Variants in KBTBD12 observed in about 807,000 individuals in gnomAD.
The protein encoded by KBTBD12 is kelch repeat and BTB domain-containing protein 12.
In KBTBD12, 53 loss-of-function variants were observed where a neutral mutation model predicts 58.7. The observed-to-expected ratio is 0.90, with a 90% CI of 0.72 to 1.14. The LOEUF (loss-of-function observed/expected upper bound fraction) is 1.14. Ranked by LOEUF, KBTBD12 falls within the 50% of genes most tolerant of loss-of-function variation. The probability of loss-of-function intolerance (pLI) is 0.00; values close to 1 mark genes in which losing one functional copy is unlikely to be tolerated. For synonymous variants in KBTBD12, 236 were observed against 259.8 expected (o/e 0.91, Z 0.88); for missense variants, 704 against 751.3 (o/e 0.94, Z 0.74).
intron 5 of KBTBD12, among the ~76,000 whole-genome samples, chr3:127,978,508 G>A (rs1940821740): frequency 6.6e-6 from 1 of 152,170 alleles, no homozygotes; most frequent in South Asian, 2.1e-4. Context: ...CCTGAAGCCT[G>A]GAACTTCAGA....
At chr3:127,954,399 T>C (rs924902420) in intron 4 of KBTBD12, among the ~76,000 whole-genome samples, 5 of 152,148 alleles carry the variant, frequency 3.3e-5, no homozygotes, top group African/African-American at 4.8e-5. Flanking sequence ...TCATTATGAG[T>C]CCTTGGTGAA....
rs1346553055 is a variant in KBTBD12 at position 127,985,164 on chromosome 3, AG to A, written c.*889del. 1 of 152,220 alleles carries A rather than the reference AG, an allele frequency of 6.6e-6. No individual in the cohort carries two copies. The highest frequency in any genetic ancestry group is 2.4e-5 in the African/African-American group (1 of 41,410). 9.4% of individuals were successfully genotyped at this position (152,220 alleles called of 1,614,324 possible). ...CTCTCAGACACATACAACCATCTGC[AG>A]GGTAGTCCTGGCTGAACAGGACTCG... On this transcript the variant is annotated 3_prime_UTR_variant, in exon 6 of 6. Transcript: ENST00000405109.
intron 4 of KBTBD12, among the ~76,000 whole-genome samples, chr3:127,958,135 A>C (rs1940356702): frequency 1.3e-5 from 2 of 152,086 alleles, no homozygotes; most frequent in African/African-American, 4.8e-5. Flanking sequence ...AGGAGGGAGA[A>C]GGGCAGACCA....
At chr3:127,958,238 G>C (rs1424428695) in intron 4 of KBTBD12, among the ~76,000 whole-genome samples, 2 of 152,154 alleles carry the variant, frequency 1.3e-5, no homozygotes, top group Non-Finnish European at 2.9e-5. Flanking sequence ...GGTACAGTCA[G>C]CAGAGTCGGT....
chr3:127,940,587 A>G (rs1052946034), intron 4 of KBTBD12, among the ~76,000 whole-genome samples: 2 of 152,156 alleles, frequency 1.3e-5, no homozygotes, highest in African/African-American at 4.8e-5. Flanking sequence ...TTTAGAAGGA[A>G]TTTATGGCAT....
rs755792370 is a variant in KBTBD12 at position 127,923,292 on chromosome 3, C to G, written c.231C>G (p.Ile77Met). The change falls in exon 2 of 6, where the codon ATC (isoleucine) becomes ATG (methionine). Residue 77 changes from isoleucine (I) to methionine (M), a missense_variant. Ile to Met is a conservative substitution (Grantham distance 10). Transcript: ENST00000405109. Reference sequence around the variant, plus strand: ...AAAGGGAAGTCATACTTTATGACATCACAGCAGAAAGTGTGTCGGTGTTAT... The same window carrying G: ...AAAGGGAAGTCATACTTTATGACATGACAGCAGAAAGTGTGTCGGTGTTAT... ...CNQREVILYD[I>M]TAESVSVLLN... 2.5e-6 allele frequency: 4 copies of G among 1,613,648 alleles called. No individual in the cohort carries two copies. The highest frequency in any genetic ancestry group is 3.4e-6 in the Non-Finnish European group (4 of 1,179,678).
intron 1 of KBTBD12, among the ~76,000 whole-genome samples, chr3:127,919,496 C>T (rs1250353330): frequency 1.3e-5 from 2 of 152,164 alleles, no homozygotes; most frequent in Non-Finnish European, 2.9e-5. Flanking sequence ...CCAAAGTTCA[C>T]ACTGAACATT....
Position 127,923,939 on chromosome 3 carries a change from G to A in KBTBD12, c.878G>A (p.Ser293Asn). The A allele has an allele frequency of 3.1e-6, 5 of 1,613,910 alleles. No homozygotes were observed. Among genetic ancestry groups the A allele is most frequent in the Non-Finnish European group, 3.4e-6 (4 of 1,179,832 alleles). ...TCAGGAATCAGATCAAGACATAGGA[G>A]CTATGGGGATGCCAGTTTTTGTTAT... ...NSSGIRSRHR[S>N]YGDASFCYDP... The change falls in exon 2 of 6, where the codon AGC (serine) becomes AAC (asparagine). Residue 293 changes from serine to asparagine, a missense_variant. Physicochemically the swap from Ser to Asn is conservative, Grantham distance 46 (BLOSUM62 1). Coordinates refer to ENST00000405109, the MANE Select transcript of KBTBD12 (RefSeq NM_207335.4).
In KBTBD12 at chr3:127,963,243, TG is replaced by T. The variant is rs759482845; in HGVS notation, c.1549del (p.Val517TrpfsTer70). On this transcript the variant is annotated frameshift_variant, in exon 5 of 6. Coordinates refer to ENST00000405109, the MANE Select transcript of KBTBD12 (RefSeq NM_207335.4). LOFTEE classifies it high-confidence loss of function. ...GGCCAGGTTCGAAAATGCCTTGACG[TG>T]GTGGAGATCTACAACCCAGATGGGG... ...DKGQVRKCLD[V>X]VEIYNPDGDF... The T allele has an allele frequency of 1.1e-5, 17 of 1,612,830 alleles. No individual in the cohort carries two copies. In the East Asian group the frequency reaches 3.8e-4, roughly 36 times the overall value.
intron 4 of KBTBD12, among the ~76,000 whole-genome samples, chr3:127,938,400 C>T (rs944009790): frequency 4.0e-5 from 6 of 151,596 alleles, no homozygotes; most frequent in Admixed American, 6.6e-5. Context: ...AGTATGCATG[C>T]GAAATTTCTA....
At chr3:127,976,823 C>T (rs1940792760) in intron 5 of KBTBD12, among the ~76,000 whole-genome samples, 1 of 152,030 alleles carries the variant, frequency 6.6e-6, no homozygotes, top group Admixed American at 6.5e-5. Flanking sequence ...GACCTCTGTT[C>T]TTTTTGTGTG....
intron 4 of KBTBD12, among the ~76,000 whole-genome samples, chr3:127,936,494 C>T (rs1939834603): frequency 6.6e-6 from 1 of 152,118 alleles, no homozygotes; most frequent in Non-Finnish European, 1.5e-5. Flanking sequence ...TTGAACAGCA[C>T]TATCAACCAA....
At position 127,923,036 on chromosome 3, in the gene KBTBD12, T is replaced by G. The variant is rs1939456480; in HGVS notation, c.-26T>G. The G allele has an allele frequency of 2.2e-6, 3 of 1,386,322 alleles. No individual in the cohort carries two copies. The East Asian group carries it at 6.9e-5, about 32-fold the overall frequency. The allele number at this position is 1,386,322 out of a possible 1,614,324, so 85.9% of individuals were successfully genotyped here. On this transcript the variant is annotated 5_prime_UTR_variant, in exon 2 of 6. Coordinates refer to ENST00000405109, the MANE Select transcript of KBTBD12 (RefSeq NM_207335.4). ...AATCAAGCTACACTTAAAGAAGACT[T>G]AGTTGGAAACTTTGGAGAGTAGATC... is the stretch of plus-strand genomic sequence containing the variant.
rs1313921151 is a variant in KBTBD12 at position 127,986,020 on chromosome 3, C to A, written c.*1742C>A. The A allele has an allele frequency of 5.9e-5, 9 of 152,790 alleles. No homozygotes were observed. The highest frequency in any genetic ancestry group is 2.2e-4 in the African/African-American group (9 of 41,468). 9.5% of individuals were successfully genotyped at this position (152,790 alleles called of 1,614,324 possible). On this transcript the variant is annotated 3_prime_UTR_variant, in exon 6 of 6. Coordinates refer to ENST00000405109, the MANE Select transcript of KBTBD12 (RefSeq NM_207335.4). ...CGGCCAGGGTTGAGGACGGCCTCCA[C>A]AGGGCCTCCACTTCCCTCCATTCCT...
chr3:127,981,735 A>G (rs60068982), intron 5 of KBTBD12, among the ~76,000 whole-genome samples: 2,211 of 152,260 alleles, frequency 0.015, 60 homozygotes, highest in African/African-American at 0.049. Flanking sequence ...AGGTCAGGAA[A>G]TTGAGACCAT....
chr3:127,940,487 G>A (rs934489969), intron 4 of KBTBD12, among the ~76,000 whole-genome samples: 2 of 152,054 alleles, frequency 1.3e-5, no homozygotes, highest in African/African-American at 2.4e-5. Flanking sequence ...GGTTAAAGAC[G>A]AAATCTCAAG....
At chr3:127,938,366 T>C (rs1939868659) in intron 4 of KBTBD12, among the ~76,000 whole-genome samples, 1 of 152,146 alleles carries the variant, frequency 6.6e-6, no homozygotes, top group African/African-American at 2.4e-5. Flanking sequence ...AGGATTAAAT[T>C]TGCAACATTT....
intron 5 of KBTBD12, among the ~76,000 whole-genome samples, chr3:127,983,677 C>A (rs774746617): frequency 6.6e-6 from 1 of 151,972 alleles, no homozygotes; most frequent in Non-Finnish European, 1.5e-5. Flanking sequence ...TGCTTGAACC[C>A]GGGAGGCGGA....
At chr3:127,962,300 A>T (rs1940457138) in intron 4 of KBTBD12, among the ~76,000 whole-genome samples, 2 of 152,250 alleles carry the variant, frequency 1.3e-5, no homozygotes, top group African/African-American at 4.8e-5. Flanking sequence ...AAATAAAAGC[A>T]GTGCATAGAA....
Sources: allele counts gnomAD v4.1 joint callset (sites outside exome capture counted in the v4.1 genomes callset), GRCh38; gene constraint gnomAD v4.1.1; transcripts MANE v1.5; gene names NCBI Gene and HGNC (gene_info 2026-07-23, HGNC 2026-07-21).